The following PTPRD variants were observed in gnomAD, a reference collection of about 807,000 sequenced individuals.
The protein encoded by PTPRD is protein tyrosine phosphatase receptor type D.
PTPRD carries 34 observed loss-of-function variants against 214.5 expected under a neutral mutation model. The ratio of observed to expected loss-of-function variants is 0.16; its 90% CI spans 0.12 to 0.21. The LOEUF is 0.21. Among genes scored for constraint, PTPRD ranks in the 10% least tolerant of loss-of-function variants. The pLI is 1.00. For missense variants in PTPRD, 2,545 were observed against 2,398.7 expected, an observed-to-expected ratio of 1.06 and a Z score of -1.27; for synonymous variants, 1,128 against 845.7, an observed-to-expected ratio of 1.33 and a Z score of -5.79.
At chr9:8,721,884 A>T (rs1462947212) in intron 12 of PTPRD, among the ~76,000 whole-genome samples, 1 of 152,202 alleles carries the variant, frequency 6.6e-6, no homozygotes. Flanking sequence ...GAAGGGCATT[A>T]TCTATCTCTC....
chr9:10,059,287 C>T (rs1189196304), intron 3 of PTPRD, among the ~76,000 whole-genome samples: 2 of 152,100 alleles, frequency 1.3e-5, no homozygotes, highest in Admixed American at 6.6e-5. Flanking sequence ...TTCCATGTTG[C>T]GCAATACTCA....
Position 8,470,162 on chromosome 9 carries a change from G to T in PTPRD, c.3504+833C>A, listed in dbSNP as rs368912352. 1.2e-4 allele frequency among the ~76,000 whole-genome samples: 19 copies of T among 152,200 alleles called. No individual in the cohort carries two copies. The East Asian group carries it at 3.1e-3, about 25-fold the overall frequency. ...ATGAACTGATTGAAAACAGCATCAT[G>T]TTAAAATAACAAAGGCTCTTCTGTA... On this transcript the variant is annotated intron_variant, in intron 31 of 45. Transcript: ENST00000381196.
At chr9:10,533,001 C>T (rs1011678676) in intron 2 of PTPRD, among the ~76,000 whole-genome samples, 5 of 152,026 alleles carry the variant, frequency 3.3e-5, no homozygotes, top group Non-Finnish European at 5.9e-5. Context: ...AAGAGTAGCT[C>T]CTTCATGAAT....
At chr9:10,213,278 A>T (rs1318816688) in intron 3 of PTPRD, among the ~76,000 whole-genome samples, 1 of 152,166 alleles carries the variant, frequency 6.6e-6, no homozygotes, top group Non-Finnish European at 1.5e-5. Flanking sequence ...AAATAGAGTT[A>T]TAACAATCTA....
At chr9:10,136,445 A>G (rs1441143374) in intron 3 of PTPRD, among the ~76,000 whole-genome samples, 3 of 152,150 alleles carry the variant, frequency 2.0e-5, no homozygotes, top group African/African-American at 7.2e-5. Flanking sequence ...TTTAATCTGC[A>G]CTCAGAACAT....
intron 8 of PTPRD, among the ~76,000 whole-genome samples, chr9:9,478,584 T>C (rs945074863): frequency 9.9e-5 from 15 of 152,196 alleles, no homozygotes; most frequent in African/African-American, 2.9e-4. Context: ...CATTTAGATC[T>C]AACCATTTAT....
intron 10 of PTPRD, among the ~76,000 whole-genome samples, chr9:9,029,089 T>C (rs2099596449): frequency 6.6e-6 from 1 of 151,944 alleles, no homozygotes. Flanking sequence ...TCATTCATAT[T>C]AGTCATTATT....
intron 11 of PTPRD, among the ~76,000 whole-genome samples, chr9:8,773,389 A>G (rs1760064136): frequency 6.6e-6 from 1 of 151,862 alleles, no homozygotes; most frequent in Non-Finnish European, 1.5e-5. Context: ...TTCTGTTTAA[A>G]CCCTAGAAAC....
chr9:9,807,526 T>C (rs1475184630), intron 5 of PTPRD, among the ~76,000 whole-genome samples: 1 of 152,190 alleles, frequency 6.6e-6, no homozygotes, highest in Non-Finnish European at 1.5e-5. Flanking sequence ...CTCCCCTTGT[T>C]AAGCATTTTC....
At chr9:9,208,020 C>CTATTTTTTTTTTTTTTTT (rs2099945993) in intron 9 of PTPRD, among the ~76,000 whole-genome samples, 1 of 53,260 alleles carries the variant, frequency 1.9e-5, no homozygotes, top group Non-Finnish European at 3.8e-5. Flanking sequence ...TATATATCTG[C>CTATTTTTTTTTTTTTTTT]TTTTTTTTTT....
intron 3 of PTPRD, among the ~76,000 whole-genome samples, chr9:10,134,360 T>C (rs1055322079): frequency 6.6e-6 from 1 of 152,170 alleles, no homozygotes; most frequent in Admixed American, 6.5e-5. Context: ...CTAAGGCCCA[T>C]GAATGAACTT....
intron 39 of PTPRD, among the ~76,000 whole-genome samples, chr9:8,370,878 T>A (rs2081328554): frequency 6.6e-6 from 1 of 152,088 alleles, no homozygotes; most frequent in African/African-American, 2.4e-5. Flanking sequence ...AGCAAGCTGA[T>A]CTTACCTGGC....
chr9:9,612,257 A>G (rs2094552355), intron 7 of PTPRD, among the ~76,000 whole-genome samples: 1 of 152,142 alleles, frequency 6.6e-6, no homozygotes. Context: ...ATGAAGTTAG[A>G]AAGGTGGTCT....
intron 9 of PTPRD, among the ~76,000 whole-genome samples, chr9:9,204,851 T>TA (rs562237871): frequency 3.3e-3 from 509 of 152,264 alleles, no homozygotes; most frequent in African/African-American, 0.012. Flanking sequence ...TCTCAAATTA[T>TA]TATCATTATT....
intron 9 of PTPRD, among the ~76,000 whole-genome samples, chr9:9,388,175 T>A (rs1048916531): frequency 2.0e-5 from 3 of 152,158 alleles, no homozygotes; most frequent in African/African-American, 4.8e-5. Context: ...TCCATTGACA[T>A]GTTCCTCTTG....
At chr9:8,486,558 A>G in intron 27 of PTPRD, 1 of 692,910 alleles carries the variant, frequency 1.4e-6, no homozygotes, top group South Asian at 1.5e-5. Context: ...CTAGAATTTG[A>G]TAATGGACAC....
intron 2 of PTPRD, among the ~76,000 whole-genome samples, chr9:10,424,047 T>C (rs1474193959): frequency 1.3e-5 from 2 of 152,006 alleles, no homozygotes; most frequent in East Asian, 3.9e-4. Flanking sequence ...GTCCTGTTTG[T>C]TTCAGAAGCA....
At chr9:9,244,450 T>A (rs113427975) in intron 9 of PTPRD, among the ~76,000 whole-genome samples, 17,755 of 151,974 alleles carry the variant, frequency 0.12, 1,323 homozygotes, top group Middle Eastern at 0.2. Context: ...TATAGACCAA[T>A]GGAACAGAAC....
chr9:9,463,916 C>T (rs1181369955), intron 8 of PTPRD, among the ~76,000 whole-genome samples: 1 of 152,118 alleles, frequency 6.6e-6, no homozygotes. Flanking sequence ...ACCAGATCAC[C>T]ACATTTGGAC....
Sources: allele counts gnomAD v4.1 joint callset (sites outside exome capture counted in the v4.1 genomes callset), GRCh38; gene constraint gnomAD v4.1.1; transcripts MANE v1.5; gene names NCBI Gene and HGNC (gene_info 2026-07-23, HGNC 2026-07-21).